The following CNTNAP2 variants were observed in gnomAD, a reference collection of about 807,000 sequenced individuals.
The protein encoded by CNTNAP2 is contactin-associated protein-like 2.
A neutral mutation model predicts 155.2 loss-of-function variants in CNTNAP2; 98 were observed. That is an observed-to-expected ratio of 0.63 (90% CI 0.54 to 0.75). CNTNAP2 has a LOEUF of 0.75. Among genes scored for constraint, CNTNAP2 ranks in the 30% least tolerant of loss-of-function variants. The pLI, the probability that CNTNAP2 is intolerant of heterozygous loss-of-function variation, is 0.00. For synonymous variants in CNTNAP2, 651 were observed against 631.2 expected (o/e 1.03, Z -0.47); for missense variants, 1,727 against 1,688.1 (o/e 1.02, Z -0.40).
At chr7:146,706,804 ATAAC>A (rs1386461319) in intron 1 of CNTNAP2, among the ~76,000 whole-genome samples, 1 of 152,122 alleles carries the variant, frequency 6.6e-6, no homozygotes, top group Non-Finnish European at 1.5e-5. Flanking sequence ...ATCAGGAAAA[ATAAC>A]TAATAGGTAC....
intron 16 of CNTNAP2, among the ~76,000 whole-genome samples, chr7:148,137,532 C>T (rs764618211): frequency 7.2e-5 from 11 of 152,064 alleles, no homozygotes; most frequent in Non-Finnish European, 1.6e-4. Context: ...TGTGGTGGCG[C>T]GTGCCTGCGG....
At chr7:146,169,103 A>G (rs1260535360) in intron 1 of CNTNAP2, among the ~76,000 whole-genome samples, 1 of 152,170 alleles carries the variant, frequency 6.6e-6, no homozygotes, top group South Asian at 2.1e-4. Flanking sequence ...TATCAGTTCA[A>G]TTATCACTTT....
At chr7:146,907,445 G>T (rs1252090429) in intron 3 of CNTNAP2, among the ~76,000 whole-genome samples, 8 of 144,470 alleles carry the variant, frequency 5.5e-5, no homozygotes, top group African/African-American at 2.1e-4. Context: ...GACTAACAGC[G>T]GATCTCTCGG....
chr7:147,590,822 T>A (rs1266931622), intron 12 of CNTNAP2, among the ~76,000 whole-genome samples: 2 of 152,186 alleles, frequency 1.3e-5, no homozygotes, highest in Non-Finnish European at 2.9e-5. Context: ...AAGCCCTGTT[T>A]GATAGAACAA....
intron 20 of CNTNAP2, among the ~76,000 whole-genome samples, chr7:148,256,702 A>C (rs1202777510): frequency 5.9e-5 from 9 of 152,120 alleles, no homozygotes; most frequent in Admixed American, 5.9e-4. Context: ...TGTCCTAGAA[A>C]GGCTTAGGCA....
At chr7:146,924,062 G>T (rs1381257717) in intron 3 of CNTNAP2, among the ~76,000 whole-genome samples, 1 of 152,038 alleles carries the variant, frequency 6.6e-6, no homozygotes, top group Non-Finnish European at 1.5e-5. Context: ...GCGGTTCTTG[G>T]AATAAATTAT....
At chr7:146,844,606 G>T (rs1803807405) in intron 3 of CNTNAP2, among the ~76,000 whole-genome samples, 1 of 152,054 alleles carries the variant, frequency 6.6e-6, no homozygotes, top group Non-Finnish European at 1.5e-5. Flanking sequence ...TTGCTAAGAG[G>T]CCTGTTTTGC....
chr7:148,036,292 T>C (rs1008010547), intron 15 of CNTNAP2, among the ~76,000 whole-genome samples: 6 of 152,156 alleles, frequency 3.9e-5, no homozygotes, highest in Non-Finnish European at 7.4e-5. Context: ...AATGCTATAA[T>C]TTGAAACTGT....
intron 10 of CNTNAP2, among the ~76,000 whole-genome samples, chr7:147,472,495 G>A (rs1346332371): frequency 6.6e-6 from 1 of 152,108 alleles, no homozygotes; most frequent in Non-Finnish European, 1.5e-5. Context: ...TTACAGGCGT[G>A]AGCCACCACA....
intron 1 of CNTNAP2, among the ~76,000 whole-genome samples, chr7:146,365,964 C>A (rs1159179072): frequency 1.3e-5 from 2 of 152,152 alleles, no homozygotes; most frequent in Admixed American, 1.3e-4. Context: ...CAATGCTATA[C>A]ATTAAAACGT....
chr7:146,475,861 G>T (rs1796869493), intron 1 of CNTNAP2, among the ~76,000 whole-genome samples: 1 of 152,124 alleles, frequency 6.6e-6, no homozygotes, highest in South Asian at 2.1e-4. Context: ...GTCACAGTTT[G>T]ACAGCAGACA....
intron 1 of CNTNAP2, among the ~76,000 whole-genome samples, chr7:146,311,979 G>A (rs929637611): frequency 1.3e-5 from 2 of 152,096 alleles, no homozygotes; most frequent in Non-Finnish European, 2.9e-5. Flanking sequence ...ATTGATCAAA[G>A]TCTGGTTAGT....
At chr7:146,430,429 A>G (rs556219490) in intron 1 of CNTNAP2, among the ~76,000 whole-genome samples, 21 of 152,176 alleles carry the variant, frequency 1.4e-4, no homozygotes, top group African/African-American at 5.1e-4. Context: ...CACTTGTAAT[A>G]TAATCTACCT....
intron 21 of CNTNAP2, among the ~76,000 whole-genome samples, chr7:148,380,721 G>T (rs532108706): frequency 1.0e-3 from 159 of 152,198 alleles, no homozygotes; most frequent in African/African-American, 3.6e-3. Context: ...GTCACTTGGC[G>T]GGTAATCCTA....
intron 1 of CNTNAP2, among the ~76,000 whole-genome samples, chr7:146,700,880 A>G (rs577066997): frequency 6.6e-6 from 1 of 152,258 alleles, no homozygotes; most frequent in East Asian, 1.9e-4. Flanking sequence ...TGCAGACTCA[A>G]TATATATTTG....
intron 22 of CNTNAP2, among the ~76,000 whole-genome samples, chr7:148,387,422 G>A (rs1346571418): frequency 6.6e-6 from 1 of 152,182 alleles, no homozygotes; most frequent in African/African-American, 2.4e-5. Flanking sequence ...AATAACGTGA[G>A]GTACTTGAGT....
At chr7:147,407,824 T>C (rs1314817298) in intron 10 of CNTNAP2, among the ~76,000 whole-genome samples, 1 of 152,066 alleles carries the variant, frequency 6.6e-6, no homozygotes, top group Non-Finnish European at 1.5e-5. Context: ...ATAAAAGAAG[T>C]AGGTTGAACT....
At chr7:146,333,594 G>A (rs1369027692) in intron 1 of CNTNAP2, among the ~76,000 whole-genome samples, 1 of 152,128 alleles carries the variant, frequency 6.6e-6, no homozygotes, top group African/African-American at 2.4e-5. Context: ...TCAAATCCAA[G>A]TCACATTTCT....
intron 13 of CNTNAP2, among the ~76,000 whole-genome samples, chr7:147,834,350 C>G (rs1485046214): frequency 1.3e-5 from 2 of 152,162 alleles, no homozygotes; most frequent in Admixed American, 1.3e-4. Context: ...TTCCAATGAA[C>G]AGAATCTCAT....
Sources: gnomAD v4.1 joint callset for allele counts (sites outside exome capture counted in the v4.1 genomes callset) on GRCh38, gnomAD v4.1.1 for gene constraint, MANE v1.5 for transcripts, NCBI Gene and HGNC (gene_info 2026-07-23, HGNC 2026-07-21) for gene names.